The following CHMP3 variants were observed in gnomAD, a reference collection of about 807,000 sequenced individuals.
CHMP3 encodes the protein 25.1 protein.
A neutral mutation model predicts 27.4 loss-of-function variants in CHMP3; 8 were observed. The observed-to-expected ratio is 0.29, with a 90% CI of 0.17 to 0.53. The LOEUF is 0.53. Among genes scored for constraint, CHMP3 ranks in the 20% least tolerant of loss-of-function variants. The probability of loss-of-function intolerance (pLI) is 0.96; values close to 1 mark genes in which losing one functional copy is unlikely to be tolerated. For synonymous variants in CHMP3, 86 were observed against 85.5 expected, an observed-to-expected ratio of 1.01 and a Z score of -0.03; for missense variants, 208 against 271.5, an observed-to-expected ratio of 0.77 and a Z score of 1.64.
rs147784854 is a variant in CHMP3 at position 86,530,088 on chromosome 2, G to A, written c.107-691C>T. 7.4e-4 allele frequency among the ~76,000 whole-genome samples: 112 copies of A among 151,994 alleles called. 2 individuals are homozygous for A. The highest frequency in any genetic ancestry group is 2.7e-3 in the African/African-American group (111 of 41,474). Reference sequence around the variant, plus strand: ...CAGCTCACTGCAACCTCCACCTCCCGGGTTTGAAGTGATTCTGCCTCAGCC... The same window carrying A: ...CAGCTCACTGCAACCTCCACCTCCCAGGTTTGAAGTGATTCTGCCTCAGCC... On this transcript the variant is annotated intron_variant, in intron 2 of 5. Coordinates refer to ENST00000263856, the MANE Select transcript of CHMP3 (RefSeq NM_016079.4).
At chr2:86,560,732 T>C (rs1677319235) in intron 1 of CHMP3, among the ~76,000 whole-genome samples, 1 of 151,498 alleles carries the variant, frequency 6.6e-6, no homozygotes, top group African/African-American at 2.4e-5. Flanking sequence ...AAAAGAGGTT[T>C]AACTGGCTCA....
At chr2:86,535,776 G>A (rs1676105124) in intron 2 of CHMP3, among the ~76,000 whole-genome samples, 1 of 152,092 alleles carries the variant, frequency 6.6e-6, no homozygotes, top group Non-Finnish European at 1.5e-5. Flanking sequence ...AAAGTGCAGG[G>A]ATTACAGGTA....
intron 2 of CHMP3, among the ~76,000 whole-genome samples, chr2:86,541,529 C>A (rs1573282743): frequency 6.6e-6 from 1 of 152,188 alleles, no homozygotes; most frequent in East Asian, 1.9e-4. Flanking sequence ...CAGAAAGTAT[C>A]TCCAAGCAGA....
chr2:86,509,307 G>C (rs1222332794), intron 4 of CHMP3, among the ~76,000 whole-genome samples: 1 of 152,190 alleles, frequency 6.6e-6, no homozygotes, highest in Non-Finnish European at 1.5e-5. Flanking sequence ...TTGGGGGCAA[G>C]ACACCTACAT....
At chr2:86,516,224 T>A (rs188439019) in intron 3 of CHMP3, among the ~76,000 whole-genome samples, 87 of 151,414 alleles carry the variant, frequency 5.7e-4, no homozygotes, top group Admixed American at 2.7e-3. Context: ...ATTCTCCCAG[T>A]GTTTTAAATT....
intron 3 of CHMP3, among the ~76,000 whole-genome samples, chr2:86,528,648 A>T (rs1284923993): frequency 6.6e-6 from 1 of 152,254 alleles, no homozygotes; most frequent in Non-Finnish European, 1.5e-5. Context: ...GACCACAAAC[A>T]GTACTGTACT....
chr2:86,550,550 T>A (rs1397052717), intron 1 of CHMP3, among the ~76,000 whole-genome samples: 2 of 152,218 alleles, frequency 1.3e-5, no homozygotes, highest in Non-Finnish European at 2.9e-5. Flanking sequence ...AGAATTTTTA[T>A]TCATCATGAC....
intron 3 of CHMP3, among the ~76,000 whole-genome samples, chr2:86,523,057 C>T (rs541389122): frequency 6.6e-6 from 1 of 152,308 alleles, no homozygotes; most frequent in East Asian, 1.9e-4. Context: ...TGCTACAGCA[C>T]GTCTTATTTT....
At position 86,563,440 on chromosome 2, in the gene CHMP3, G is replaced by A; in HGVS notation, c.-92C>T. On this transcript the variant is annotated 5_prime_UTR_variant, in exon 1 of 6. Transcript: ENST00000263856. Reference sequence around the variant, plus strand: ...CCGCCTGGGCGGGGCCCGCGGAAAAGGAGGTAGTCCCAACCCCCAGAGTAG... The same window carrying A: ...CCGCCTGGGCGGGGCCCGCGGAAAAAGAGGTAGTCCCAACCCCCAGAGTAG... 7 of 1,509,794 alleles carry A rather than the reference G, an allele frequency of 4.6e-6. No homozygotes were observed. In the South Asian group the frequency reaches 5.7e-5, roughly 12 times the overall value. 93.5% of individuals were successfully genotyped at this position (1,509,794 alleles called of 1,614,324 possible).
In CHMP3 at chr2:86,546,640, G is replaced by A. The variant is rs183553652; in HGVS notation, c.46-4328C>T. On this transcript the variant is annotated intron_variant, in intron 1 of 5. Coordinates refer to ENST00000263856, the MANE Select transcript of CHMP3 (RefSeq NM_016079.4). ...TTCAGTAGAGACGGGATTTCACCAC[G>A]TTGGCCAGGCTTGTCTACACCTCCT... Among the ~76,000 whole-genome samples, 568 of 152,040 alleles carry A rather than the reference G, an allele frequency of 3.7e-3. 4 individuals carry two copies. Among genetic ancestry groups the A allele is most frequent in the African/African-American group, 0.013 (524 of 41,442 alleles).
In CHMP3 at chr2:86,505,911, G is replaced by T; in HGVS notation, c.562C>A (p.Leu188Ile). 1 of 1,589,768 alleles carries T rather than the reference G, an allele frequency of 6.3e-7. No individual in the cohort carries two copies. Reference sequence around the variant, plus strand: ...GCTCCTGGAGGTTCTGGCTCTGGAAGGGCATCAGTCACTTTACTGGGTGCT... The same window carrying T: ...GCTCCTGGAGGTTCTGGCTCTGGAATGGCATCAGTCACTTTACTGGGTGCT... ...GKAPSKVTDA[L>I]PEPEPPGAMA... Residue 188 changes from leucine to isoleucine, a missense_variant, in exon 6 of 6, where the codon CTT (leucine) becomes ATT (isoleucine). Coordinates refer to ENST00000263856, the MANE Select transcript of CHMP3 (RefSeq NM_016079.4).
At chr2:86,520,298 C>T (rs1234613974) in intron 3 of CHMP3, among the ~76,000 whole-genome samples, 5 of 152,110 alleles carry the variant, frequency 3.3e-5, no homozygotes, top group African/African-American at 1.2e-4. Flanking sequence ...GCTTCTGCTT[C>T]TGGGGAGGCC....
chr2:86,515,600 T>G (rs113974538), intron 3 of CHMP3, among the ~76,000 whole-genome samples: 33 of 152,206 alleles, frequency 2.2e-4, no homozygotes, highest in African/African-American at 7.7e-4. Flanking sequence ...AGATTACAGG[T>G]GTAAGCCACT....
intron 2 of CHMP3, among the ~76,000 whole-genome samples, chr2:86,531,137 G>GT (rs1675902235): frequency 6.6e-6 from 1 of 151,716 alleles, no homozygotes; most frequent in South Asian, 2.1e-4. Flanking sequence ...CTTTTCCTCC[G>GT]TTGGTAACAT....
intron 1 of CHMP3, among the ~76,000 whole-genome samples, chr2:86,553,559 C>T (rs1246900097): frequency 6.6e-6 from 1 of 151,992 alleles, no homozygotes; most frequent in African/African-American, 2.4e-5. Context: ...CTCAATCTCC[C>T]GACCTCATGT....
At chr2:86,521,494 T>C (rs562652741) in intron 3 of CHMP3, among the ~76,000 whole-genome samples, 10 of 152,328 alleles carry the variant, frequency 6.6e-5, no homozygotes, top group Admixed American at 2.0e-4. Flanking sequence ...ATTAGGTACA[T>C]TCATTCACAT....
At chr2:86,558,056 C>T (rs1370351698) in intron 1 of CHMP3, among the ~76,000 whole-genome samples, 1 of 152,096 alleles carries the variant, frequency 6.6e-6, no homozygotes, top group Non-Finnish European at 1.5e-5. Context: ...GAACATAAGT[C>T]ATATGATTTA....
intron 2 of CHMP3, among the ~76,000 whole-genome samples, chr2:86,537,324 C>G (rs1676186829): frequency 6.6e-6 from 1 of 152,140 alleles, no homozygotes; most frequent in Non-Finnish European, 1.5e-5. Flanking sequence ...TTTGGGGTTT[C>G]TTTTCTTGTT....
At chr2:86,533,540 G>A (rs767722524) in intron 2 of CHMP3, among the ~76,000 whole-genome samples, 9 of 151,560 alleles carry the variant, frequency 5.9e-5, no homozygotes, top group East Asian at 1.9e-4. Flanking sequence ...TTTCACTCCC[G>A]TCACCCAGGC....
Sources: allele counts gnomAD v4.1 joint callset (sites outside exome capture counted in the v4.1 genomes callset), GRCh38; gene constraint gnomAD v4.1.1; transcripts MANE v1.5; gene names NCBI Gene and HGNC (gene_info 2026-07-23, HGNC 2026-07-21).